FAM234B: variants seen among roughly 807,000 people sequenced by gnomAD.
FAM234B encodes the protein family with sequence similarity 234 member B.
FAM234B carries 33 observed loss-of-function variants against 69.3 expected under a neutral mutation model. The observed-to-expected ratio is 0.48, with a 90% CI of 0.36 to 0.64. FAM234B has a LOEUF of 0.64. Among genes scored for constraint, FAM234B ranks in the 30% least tolerant of loss-of-function variants. The pLI is 0.00. For missense variants in FAM234B, 697 were observed against 769.7 expected (o/e 0.91, Z 1.12); for synonymous variants, 306 against 306.9 (o/e 1.00, Z 0.03).
At position 13,061,601 on chromosome 12, in the gene FAM234B, G is replaced by A. The variant is rs1175478614; in HGVS notation, c.559G>A (p.Val187Ile). Residue 187 changes from valine (V) to isoleucine (I), a missense_variant, in exon 4 of 13, where the codon GTA becomes ATA. Coordinates refer to ENST00000197268, the MANE Select transcript of FAM234B (RefSeq NM_020853.2). ...VGVSRPAANL[V>I]CLSGMNGSTL... is the part of the protein sequence containing the mutation. ...TGTCTCAAGACCAGCTGCTAATCTT[G>A]TATGCCTTTCGGGGATGAATGGCAG... is the stretch of plus-strand genomic sequence containing the variant. 3 of 1,613,310 alleles carry A rather than the reference G, an allele frequency of 1.9e-6. No homozygotes were observed. Among genetic ancestry groups the A allele is most frequent in the Non-Finnish European group, 1.7e-6 (2 of 1,179,664 alleles).
chr12:13,075,983 T>C, intron 10 of FAM234B, 43 bp from the exon 11 acceptor site: 1 of 1,384,372 alleles, frequency 7.2e-7, no homozygotes, highest in East Asian at 2.3e-5. Context: ...CGTGTGGGAA[T>C]GTAGCGTTAC....
chr12:13,045,376 G>A (rs1429815391), intron 1 of FAM234B, among the ~76,000 whole-genome samples: 1 of 152,156 alleles, frequency 6.6e-6, no homozygotes, highest in Non-Finnish European at 1.5e-5. Context: ...TAAGCATTAA[G>A]CTATAAACAT....
chr12:13,058,624 A>G, intron 3 of FAM234B, 75 bp downstream of exon 3: 1 of 1,237,034 alleles, frequency 8.1e-7, no homozygotes. Context: ...CTGTGTCCCA[A>G]GTGGTACTGC....
At chr12:13,058,847 T>C (rs2120465272) in intron 3 of FAM234B, among the ~76,000 whole-genome samples, 1 of 152,358 alleles carries the variant, frequency 6.6e-6, no homozygotes. Flanking sequence ...ACAGTGTTAG[T>C]CCTCGGGTTC....
chr12:13,061,095 G>A (rs369551630), intron 3 of FAM234B, among the ~76,000 whole-genome samples: 9 of 152,176 alleles, frequency 5.9e-5, no homozygotes, highest in African/African-American at 1.2e-4. Flanking sequence ...TTTGCTCCCC[G>A]CGCTGCACAC....
At chr12:13,073,623 C>A (rs1865130279) in intron 10 of FAM234B, among the ~76,000 whole-genome samples, 1 of 151,646 alleles carries the variant, frequency 6.6e-6, no homozygotes, top group Non-Finnish European at 1.5e-5. Context: ...ATCTTGATCC[C>A]ACTTGTTTAA....
Position 13,066,734 on chromosome 12 carries a change from G to C in FAM234B, c.947G>C (p.Gly316Ala). ...ATCGTTGGAGTTGGGAATCTGATTGGTCCTCAGGTTTACATCACCACAAAT... is the reference window on the plus strand; with the variant it reads ...ATCGTTGGAGTTGGGAATCTGATTGCTCCTCAGGTTTACATCACCACAAAT... ...YNIVGVGNLI[G>A]PQVYITTNGA... is the part of the protein sequence containing the mutation. Residue 316 changes from glycine (G) to alanine (A), a missense_variant, in exon 6 of 13, where the codon GGT becomes GCT. This residue lies in a region of FAM234B where 380 missense variants were observed against 447.1 expected (regional missense o/e 0.85). Transcript: ENST00000197268. The C allele has an allele frequency of 6.2e-7, 1 of 1,614,050 alleles. No individual in the cohort carries two copies. Among genetic ancestry groups the C allele is most frequent in the Non-Finnish European group, 8.5e-7 (1 of 1,179,980 alleles).
rs1282320374 is a variant in FAM234B at position 13,082,035 on chromosome 12, T to C, written c.*1405T>C. The C allele has an allele frequency of 6.8e-6, 1 of 146,132 alleles. No individual in the cohort carries two copies. Among genetic ancestry groups the C allele is most frequent in the African/African-American group, 2.5e-5 (1 of 39,602 alleles). 9.1% of individuals were successfully genotyped at this position (146,132 alleles called of 1,614,324 possible). On this transcript the variant is annotated 3_prime_UTR_variant, in exon 13 of 13. Transcript: ENST00000197268. ...GTGCAGTGGCACAATCTCGGCTCAC[T>C]GCAACCTTCGCCTCCTGGGTTCAAG... is the stretch of plus-strand genomic sequence containing the variant.
rs1865233674 is a variant in FAM234B, at chr12:13,081,916, C to T, written c.*1286C>T. On this transcript the variant is annotated 3_prime_UTR_variant, in exon 13 of 13. Transcript: ENST00000197268. Reference sequence around the variant, plus strand: ...AACCTTGATAGGTCATCCCTGAGTGCACCTCAGGTTCTCTCTTTACCTGGG... The same window carrying T: ...AACCTTGATAGGTCATCCCTGAGTGTACCTCAGGTTCTCTCTTTACCTGGG... 1 of 147,986 alleles carries T rather than the reference C, an allele frequency of 6.8e-6. No individual in the cohort carries two copies. Among genetic ancestry groups the T allele is most frequent in the South Asian group, 2.2e-4 (1 of 4,632 alleles). 9.2% of individuals were successfully genotyped at this position (147,986 alleles called of 1,614,324 possible).
intron 10 of FAM234B, among the ~76,000 whole-genome samples, chr12:13,072,334 G>T (rs534305041): frequency 6.6e-6 from 1 of 152,236 alleles, no homozygotes; most frequent in African/African-American, 2.4e-5. Flanking sequence ...CTCTGACATG[G>T]CCTAACAGTG....
At chr12:13,056,117 C>A (rs1864928631) in intron 2 of FAM234B, among the ~76,000 whole-genome samples, 171 bp downstream of exon 2, 1 of 152,220 alleles carries the variant, frequency 6.6e-6, no homozygotes, top group Admixed American at 6.5e-5. Context: ...AGAAAACAAA[C>A]ACCTCCAAAA....
At position 13,055,951 on chromosome 12, in the gene FAM234B, G is replaced by A. The variant is rs1565507677; in HGVS notation, c.433+5G>A. On this transcript the variant is annotated splice_donor_5th_base_variant and intron_variant, in intron 2 of 12. Coordinates refer to ENST00000197268, the MANE Select transcript of FAM234B (RefSeq NM_020853.2). ...GCCACTTGGGCTCCCAGGGAGGTGA[G>A]CTGCAGAATCTTCAGCCCTAATCCT... 1 of 1,546,356 alleles carries A rather than the reference G, an allele frequency of 6.5e-7. No homozygotes were observed. The highest frequency in any genetic ancestry group is 8.7e-7 in the Non-Finnish European group (1 of 1,148,356).
intron 1 of FAM234B, among the ~76,000 whole-genome samples, chr12:13,048,557 G>A (rs910828994): frequency 6.9e-6 from 1 of 144,688 alleles, no homozygotes; most frequent in Non-Finnish European, 1.5e-5. Flanking sequence ...TATCCTCTTC[G>A]GTCATGCATA....
Position 13,066,732 on chromosome 12 carries a change from T to A in FAM234B, c.945T>A (p.Ile315=). ...ACATCGTTGGAGTTGGGAATCTGAT[T>A]GGTCCTCAGGTTTACATCACCACAA... ...KYNIVGVGNL[I]GPQVYITTNG... The change falls in exon 6 of 13, where the codon ATT becomes ATA. Residue 315 remains isoleucine (I), a synonymous_variant. Coordinates refer to ENST00000197268, the MANE Select transcript of FAM234B (RefSeq NM_020853.2). The A allele has an allele frequency of 6.2e-7, 1 of 1,614,136 alleles. No individual in the cohort carries two copies. Among genetic ancestry groups the A allele is most frequent in the Non-Finnish European group, 8.5e-7 (1 of 1,179,998 alleles).
At chr12:13,059,290 G>T (rs1450485031) in intron 3 of FAM234B, among the ~76,000 whole-genome samples, 1 of 152,190 alleles carries the variant, frequency 6.6e-6, no homozygotes. Flanking sequence ...TCCAGTAATT[G>T]CGTCCTCTCC....
At chr12:13,072,988 C>T (rs967146289) in intron 10 of FAM234B, among the ~76,000 whole-genome samples, 1 of 152,114 alleles carries the variant, frequency 6.6e-6, no homozygotes, top group African/African-American at 2.4e-5. Flanking sequence ...CTCATGATTT[C>T]CCATTGAAAC....
Position 13,066,622 on chromosome 12 carries a change from C to T in FAM234B, c.853-18C>T. The T allele has an allele frequency of 6.9e-6, 11 of 1,603,110 alleles. No individual in the cohort carries two copies. The highest frequency in any genetic ancestry group is 1.1e-5 in the South Asian group (1 of 89,104). ...ATAGGGCTTCTATTGACTCCACCCC[C>T]CTCTCTTACTTCCTCAGCCAGATCT... On this transcript the variant is annotated intron_variant, in intron 5 of 12. Coordinates refer to ENST00000197268, the MANE Select transcript of FAM234B (RefSeq NM_020853.2).
Position 13,056,018 on chromosome 12 carries a change from C to G in FAM234B, c.433+72C>G, listed in dbSNP as rs868746290. On this transcript the variant is annotated intron_variant, in intron 2 of 12. Coordinates refer to ENST00000197268, the MANE Select transcript of FAM234B (RefSeq NM_020853.2). The stretch of plus-strand genomic sequence containing the variant: ...TGTCTGATTACATTTAAATTTTCCT[C>G]CAAATCTTAAAACTTAATATGTGTC... The G allele has an allele frequency of 4.9e-5, 70 of 1,424,790 alleles. No homozygotes were observed. In the African/African-American group the frequency reaches 9.3e-4, roughly 19 times the overall value. The allele number at this position is 1,424,790 out of a possible 1,614,324, so 88.3% of individuals were successfully genotyped here.
At chr12:13,066,834 T>A in intron 6 of FAM234B, 47 bp downstream of exon 6, 1 of 1,583,058 alleles carries the variant, frequency 6.3e-7, no homozygotes, top group Non-Finnish European at 8.6e-7. Flanking sequence ...CTGGCATTTG[T>A]GATGAGGCCT....
Sources: gnomAD v4.1 joint callset for allele counts (sites outside exome capture counted in the v4.1 genomes callset) on GRCh38, gnomAD v4.1.1 for gene constraint, gnomAD v4.1.1 regional missense constraint, MANE v1.5 for transcripts, NCBI Gene and HGNC (gene_info 2026-07-23, HGNC 2026-07-21) for gene names.